Variants in NCOR1 observed in about 807,000 individuals in gnomAD.
The protein encoded by NCOR1 is protein phosphatase 1, regulatory subunit 109.
NCOR1 carries 63 observed loss-of-function variants against 288.1 expected under a neutral mutation model. That is an observed-to-expected ratio of 0.22 (90% CI 0.18 to 0.27). The LOEUF (loss-of-function observed/expected upper bound fraction) is 0.27, where lower values mean the gene tolerates loss of function less well. NCOR1 is among the 10% of genes least tolerant of loss of function. The pLI is 1.00. For missense variants in NCOR1, 2,397 were observed against 3,019.2 expected (o/e 0.79, Z 4.83); for synonymous variants, 1,007 against 1,065.9 (o/e 0.94, Z 1.08).
intron 19 of NCOR1, among the ~76,000 whole-genome samples, chr17:16,106,875 ATATATATATTTTTTTTTTTT>A (rs2068798736): frequency 5.6e-5 from 3 of 53,360 alleles, no homozygotes; most frequent in African/African-American, 2.9e-4. Flanking sequence ...ATATATATAT[ATATATATATTTTTTTTTTTT>A]TTTTTTTTTT....
chr17:16,169,994 T>C (rs2082815155), intron 4 of NCOR1, among the ~76,000 whole-genome samples: 1 of 152,158 alleles, frequency 6.6e-6, no homozygotes, highest in Non-Finnish European at 1.5e-5. Context: ...CCATCCAACT[T>C]ACTATTTTGA....
rs987088880 is a variant in NCOR1, at chr17:16,139,306, G to C, written c.1174-120C>G. The C allele has an allele frequency of 7.4e-6, 5 of 679,916 alleles. No individual in the cohort carries two copies. The African/African-American group carries it at 9.0e-5, about 12-fold the overall frequency. 42.1% of individuals were successfully genotyped at this position (679,916 alleles called of 1,614,324 possible). A position where few individuals can be genotyped will look rare whatever the true frequency, so the allele number is the denominator to read the frequency against. On this transcript the variant is annotated intron_variant, in intron 11 of 45. Coordinates refer to ENST00000268712, the MANE Select transcript of NCOR1 (RefSeq NM_006311.4). Reference sequence around the variant, plus strand: ...TGTATGCAGTTTAATAACAATAGCAGTGTATACCACAGCATCTAACATACA... The same window carrying C: ...TGTATGCAGTTTAATAACAATAGCACTGTATACCACAGCATCTAACATACA...
At chr17:16,052,932 G>A (rs2059487087) in intron 40 of NCOR1, among the ~76,000 whole-genome samples, 1 of 152,090 alleles carries the variant, frequency 6.6e-6, no homozygotes, top group Non-Finnish European at 1.5e-5. Context: ...TAGGATGCAA[G>A]GTTGGTTCAA....
At chr17:16,066,588 A>G (rs1255233231) in intron 32 of NCOR1, among the ~76,000 whole-genome samples, 1 of 152,222 alleles carries the variant, frequency 6.6e-6, no homozygotes, top group African/African-American at 2.4e-5. Flanking sequence ...TTTTATATGT[A>G]TATGTTCTCC....
intron 29 of NCOR1, 62 bp downstream of exon 29, chr17:16,072,083 G>T (rs2061822139): frequency 7.8e-7 from 1 of 1,280,860 alleles, no homozygotes; most frequent in Non-Finnish European, 1.1e-6. Flanking sequence ...GTAAATTAAT[G>T]TCAAACTATT....
chr17:16,138,000 C>T, intron 13 of NCOR1, 158 bp downstream of exon 13: 1 of 565,570 alleles, frequency 1.8e-6, no homozygotes, highest in Non-Finnish European at 3.1e-6. Context: ...TACGATTTCT[C>T]TAATAATTGT....
intron 6 of NCOR1, among the ~76,000 whole-genome samples, chr17:16,157,516 T>C (rs1160150414): frequency 6.6e-6 from 1 of 152,214 alleles, no homozygotes; most frequent in East Asian, 1.9e-4. Context: ...CATAAATATT[T>C]ATTAATTCAC....
chr17:16,132,991 C>G (rs867981972), intron 14 of NCOR1, among the ~76,000 whole-genome samples: 1 of 150,072 alleles, frequency 6.7e-6, no homozygotes, highest in South Asian at 2.1e-4. Context: ...TTTTTCCAGA[C>G]GGGGTCTTGC....
intron 2 of NCOR1, among the ~76,000 whole-genome samples, chr17:16,194,026 C>T (rs1274272678): frequency 6.6e-6 from 1 of 152,154 alleles, no homozygotes; most frequent in Non-Finnish European, 1.5e-5. Flanking sequence ...GTCTTCCTTC[C>T]TAACTACCAT....
At chr17:16,194,922 AAT>A (rs1249278549) in intron 1 of NCOR1, among the ~76,000 whole-genome samples, 1 of 152,244 alleles carries the variant, frequency 6.6e-6, no homozygotes, top group Non-Finnish European at 1.5e-5. Context: ...CTGCTCAGTA[AAT>A]ATCTTTCTAT....
chr17:16,032,284 A>G lies in NCOR1; in HGVS notation c.*12T>C. ...CCCTCTCCTGCACCCTGTTCCCCTC[A>G]CTTTGTGCAGTTCAGTCATCACTAT... On this transcript the variant is annotated 3_prime_UTR_variant, in exon 46 of 46. Coordinates refer to ENST00000268712, the MANE Select transcript of NCOR1 (RefSeq NM_006311.4). The G allele has an allele frequency of 6.3e-7, 1 of 1,598,118 alleles. No individual in the cohort carries two copies. The highest frequency in any genetic ancestry group is 8.5e-7 in the Non-Finnish European group (1 of 1,174,706).
intron 42 of NCOR1, among the ~76,000 whole-genome samples, chr17:16,043,783 CAA>C (rs1451986588): frequency 3.9e-5 from 6 of 152,164 alleles, no homozygotes; most frequent in South Asian, 2.1e-4. Context: ...AAATTGAAAA[CAA>C]GAGTATATTT....
intron 2 of NCOR1, among the ~76,000 whole-genome samples, chr17:16,187,492 GGA>G (rs2086908346): frequency 6.7e-6 from 1 of 148,626 alleles, no homozygotes; most frequent in Non-Finnish European, 1.5e-5. Context: ...CCTTAAAAAA[GGA>G]GAGATGCTAG....
chr17:16,103,446 C>CT (rs1185037088), intron 19 of NCOR1, among the ~76,000 whole-genome samples: 1 of 152,218 alleles, frequency 6.6e-6, no homozygotes, highest in East Asian at 1.9e-4. Context: ...AACTCACTCT[C>CT]TCACTCTCAT....
In NCOR1 at chr17:16,101,701, T is replaced by A. The variant is rs1351577434; in HGVS notation, c.2239A>T (p.Thr747Ser). 1.2e-6 allele frequency: 2 copies of A among 1,614,230 alleles called. No homozygotes were observed. ...GGCTCAAGCTCAACCGCAGGTTCTG[T>A]GTTTCCTCGAGAAGTAGCATTTTCA... is the stretch of plus-strand genomic sequence containing the variant. Reference protein sequence around the residue: ...SPENATSRGNTEPAVELEPTT... With the variant: ...SPENATSRGNSEPAVELEPTT... Residue 747 changes from threonine to serine, a missense_variant, in exon 20 of 46, where the codon ACA (threonine) becomes TCA (serine). This residue lies in a region of NCOR1 where 1,872 missense variants were observed against 2,187.8 expected (regional missense o/e 0.86). Coordinates refer to ENST00000268712, the MANE Select transcript of NCOR1 (RefSeq NM_006311.4).
chr17:16,054,627 TC>T (rs2059709220), intron 40 of NCOR1, among the ~76,000 whole-genome samples: 1 of 152,112 alleles, frequency 6.6e-6, no homozygotes, highest in Non-Finnish European at 1.5e-5. Flanking sequence ...ATATCACTGA[TC>T]ATTAGAGAAG....
chr17:16,116,057 T>C (rs1264171391), intron 18 of NCOR1, among the ~76,000 whole-genome samples: 1 of 152,190 alleles, frequency 6.6e-6, no homozygotes, highest in East Asian at 1.9e-4. Context: ...GCAAGTAACA[T>C]CTTGCATGGA....
chr17:16,171,741 G>A, intron 4 of NCOR1, 62 bp downstream of exon 4: 1 of 1,352,566 alleles, frequency 7.4e-7, no homozygotes, highest in Non-Finnish European at 9.8e-7. Flanking sequence ...TGCTATGCAT[G>A]AGTATAACTA....
intron 28 of NCOR1, among the ~76,000 whole-genome samples, chr17:16,072,793 C>T (rs529232209): frequency 6.6e-6 from 1 of 152,264 alleles, no homozygotes; most frequent in East Asian, 1.9e-4. Flanking sequence ...ACAGGACTTA[C>T]CCTGCTTTTA....
Sources: gnomAD v4.1 joint callset for allele counts (sites outside exome capture counted in the v4.1 genomes callset) on GRCh38, gnomAD v4.1.1 for gene constraint, gnomAD v4.1.1 regional missense constraint, MANE v1.5 for transcripts, NCBI Gene and HGNC (gene_info 2026-07-23, HGNC 2026-07-21) for gene names.